The following NELL1 variants were observed in gnomAD, a reference collection of about 807,000 sequenced individuals.
The protein encoded by NELL1 is protein kinase C-binding protein NELL1.
In NELL1, 76 loss-of-function variants were observed where a neutral mutation model predicts 107.4. The observed-to-expected ratio is 0.71, with a 90% CI of 0.59 to 0.86. The LOEUF (loss-of-function observed/expected upper bound fraction) is 0.86. NELL1 is among the 40% of genes least tolerant of loss of function. The probability of loss-of-function intolerance (pLI) is 0.00; values close to 1 mark genes in which losing one functional copy is unlikely to be tolerated. For synonymous variants in NELL1, 353 were observed against 341.2 expected, an observed-to-expected ratio of 1.03 and a Z score of -0.38; for missense variants, 1,024 against 1,005.5, an observed-to-expected ratio of 1.02 and a Z score of -0.25.
At chr11:21,561,416 A>T (rs78161674) in intron 17 of NELL1, among the ~76,000 whole-genome samples, 2 of 152,094 alleles carry the variant, frequency 1.3e-5, no homozygotes, top group Non-Finnish European at 2.9e-5. Context: ...CCACACTCCA[A>T]TCTAGGTTTG....
At chr11:20,911,832 C>A (rs1590407383) in intron 5 of NELL1, among the ~76,000 whole-genome samples, 1 of 152,112 alleles carries the variant, frequency 6.6e-6, no homozygotes, top group Admixed American at 6.6e-5. Context: ...GTGCTTCTGG[C>A]CATCCTTTTA....
chr11:20,800,272 A>G (rs1857256771), intron 3 of NELL1, among the ~76,000 whole-genome samples: 2 of 152,208 alleles, frequency 1.3e-5, no homozygotes, highest in Admixed American at 6.5e-5. Context: ...AATCTCCAAA[A>G]TGCTTTCCAA....
chr11:21,515,190 TAGAAACA>T (rs1855526839), intron 15 of NELL1, among the ~76,000 whole-genome samples: 1 of 152,216 alleles, frequency 6.6e-6, no homozygotes, highest in South Asian at 2.1e-4. Flanking sequence ...TGGTCCTCAA[TAGAAACA>T]ATCTGTAGAC....
At chr11:20,693,726 C>T (rs1325341872) in intron 2 of NELL1, among the ~76,000 whole-genome samples, 1 of 151,906 alleles carries the variant, frequency 6.6e-6, no homozygotes, top group African/African-American at 2.4e-5. Flanking sequence ...ACATTTTTTC[C>T]TTCATTTCAA....
rs753253452 is a variant in NELL1, at chr11:20,927,411, A to G, written c.863A>G (p.Asp288Gly). 2.7e-5 allele frequency: 43 copies of G among 1,611,834 alleles called. 1 individual carries two copies. The South Asian group carries it at 4.4e-4, about 17-fold the overall frequency. The change falls in exon 8 of 20, where the codon GAT becomes GGT. Residue 288 changes from aspartate to glycine, a missense_variant. Coordinates refer to ENST00000357134, the MANE Select transcript of NELL1 (RefSeq NM_006157.5). ...TATCGAGATCAAGACTCTTGGGTAG[A>G]TGGTGACCATTGCAGGAACTGCACT... ...LLYRDQDSWVDGDHCRNCTCK... is the reference protein window; with the variant it reads ...LLYRDQDSWVGGDHCRNCTCK...
At chr11:21,558,700 A>G (rs1856779411) in intron 16 of NELL1, among the ~76,000 whole-genome samples, 1 of 152,098 alleles carries the variant, frequency 6.6e-6, no homozygotes. Context: ...AGAGAAAAAC[A>G]AAGTAACATG....
intron 14 of NELL1, among the ~76,000 whole-genome samples, chr11:21,326,558 C>A (rs934570201): frequency 3.9e-5 from 6 of 151,920 alleles, no homozygotes; most frequent in African/African-American, 1.4e-4. Flanking sequence ...CATTTGGTCA[C>A]ATATTTACCA....
chr11:20,734,120 A>T (rs1274271052), intron 2 of NELL1, among the ~76,000 whole-genome samples: 1 of 152,172 alleles, frequency 6.6e-6, no homozygotes, highest in African/African-American at 2.4e-5. Context: ...GGGTAGATGA[A>T]ACAGCAAGTA....
chr11:21,397,261 A>G (rs1852002638), intron 15 of NELL1, among the ~76,000 whole-genome samples: 1 of 151,646 alleles, frequency 6.6e-6, no homozygotes, highest in African/African-American at 2.4e-5. Context: ...TAGCATATTA[A>G]TATATAACAT....
At chr11:21,228,427 A>G (rs1344996473) in intron 13 of NELL1, among the ~76,000 whole-genome samples, 2 of 152,122 alleles carry the variant, frequency 1.3e-5, no homozygotes, top group South Asian at 2.1e-4. Context: ...TCTGAACCCT[A>G]TGAAAGTGGG....
intron 14 of NELL1, among the ~76,000 whole-genome samples, chr11:21,360,356 T>C (rs1214175970): frequency 6.6e-6 from 1 of 152,188 alleles, no homozygotes; most frequent in Non-Finnish European, 1.5e-5. Context: ...GAGAGGATAC[T>C]TGATATAATT....
At chr11:21,408,131 T>C (rs10741877) in intron 15 of NELL1, among the ~76,000 whole-genome samples, 151,507 of 152,082 alleles carry the variant, frequency 1, 75,469 homozygotes, top group East Asian at 1. Flanking sequence ...TTTCTTGAGA[T>C]CCCAGGTACT....
chr11:20,987,340 A>G (rs933627022), intron 12 of NELL1, among the ~76,000 whole-genome samples: 2 of 152,304 alleles, frequency 1.3e-5, no homozygotes, highest in African/African-American at 2.4e-5. Context: ...GTTACTAGCT[A>G]TGGATGTTGG....
chr11:21,509,557 T>C (rs2133942718), intron 15 of NELL1, among the ~76,000 whole-genome samples: 1 of 152,174 alleles, frequency 6.6e-6, no homozygotes, highest in Admixed American at 6.5e-5. Flanking sequence ...AAATAACAAA[T>C]GAAATAAGAA....
chr11:20,849,049 C>T (rs574082284), intron 4 of NELL1, among the ~76,000 whole-genome samples: 2 of 152,254 alleles, frequency 1.3e-5, no homozygotes, highest in South Asian at 4.2e-4. Flanking sequence ...GCTGCTATAT[C>T]CATTTTCACT....
chr11:21,557,017 A>G (rs1856730845), intron 16 of NELL1, among the ~76,000 whole-genome samples: 1 of 151,944 alleles, frequency 6.6e-6, no homozygotes, highest in Admixed American at 6.6e-5. Flanking sequence ...CAGTTGCAAT[A>G]TGTAAATAGG....
chr11:21,271,773 A>G (rs1011271565), intron 14 of NELL1, among the ~76,000 whole-genome samples: 2 of 152,240 alleles, frequency 1.3e-5, no homozygotes, highest in African/African-American at 4.8e-5. Flanking sequence ...AAAATACACC[A>G]TAACCAGGCG....
At chr11:21,351,958 A>G (rs1850827229) in intron 14 of NELL1, among the ~76,000 whole-genome samples, 1 of 152,206 alleles carries the variant, frequency 6.6e-6, no homozygotes, top group Non-Finnish European at 1.5e-5. Context: ...CTGATGCTTT[A>G]TGAATTTTCT....
chr11:21,182,231 C>A (rs1265555109), intron 13 of NELL1, among the ~76,000 whole-genome samples: 1 of 151,604 alleles, frequency 6.6e-6, no homozygotes, highest in African/African-American at 2.4e-5. Context: ...GTCATGAGTT[C>A]GAGAGCAGCC....
Sources: gnomAD v4.1 joint callset for allele counts (sites outside exome capture counted in the v4.1 genomes callset) on GRCh38, gnomAD v4.1.1 for gene constraint, MANE v1.5 for transcripts, NCBI Gene and HGNC (gene_info 2026-07-23, HGNC 2026-07-21) for gene names.